The following ABL2 variants were observed in gnomAD, a reference collection of about 807,000 sequenced individuals.
ABL2 encodes ABL proto-oncogene 2, non-receptor tyrosine kinase, also known as tyrosine-protein kinase ABL2.
Under a neutral mutation model 107.7 loss-of-function variants are expected in ABL2, and 49 were observed. The ratio of observed to expected loss-of-function variants is 0.45; its 90% CI spans 0.36 to 0.58. The LOEUF is 0.58. Ranked by LOEUF, ABL2 falls within the 20% of genes least tolerant of loss-of-function variation. The probability of loss-of-function intolerance (pLI) is 0.00; values close to 1 mark genes in which losing one functional copy is unlikely to be tolerated. For missense variants in ABL2, 1,245 were observed against 1,457.0 expected, an observed-to-expected ratio of 0.85 and a Z score of 2.37; for synonymous variants, 549 against 548.6, an observed-to-expected ratio of 1.00 and a Z score of -0.01.
chr1:179,207,635 T>A (rs150047216), intron 1 of ABL2, among the ~76,000 whole-genome samples: 2 of 152,214 alleles, frequency 1.3e-5, no homozygotes, highest in Non-Finnish European at 2.9e-5. Context: ...CTCTATGAGG[T>A]AGGTATTATT....
intron 1 of ABL2, 37 bp downstream of exon 1, chr1:179,229,204 C>CCCCCCCCCCCCCCCG: frequency 6.9e-7 from 1 of 1,448,284 alleles, no homozygotes. Context: ...CCCCCGGCCT[C>CCCCCCCCCCCCCCCG]CCCCACGCTC....
At chr1:179,183,685 T>C (rs917181681) in intron 1 of ABL2, 3 of 152,406 alleles carry the variant, frequency 2.0e-5, no homozygotes, top group African/African-American at 7.2e-5. Flanking sequence ...TTCTCTGCCA[T>C]AACTAGATAC....
chr1:179,161,900 A>C (rs1239375456), intron 1 of ABL2, among the ~76,000 whole-genome samples: 1 of 152,044 alleles, frequency 6.6e-6, no homozygotes, highest in Non-Finnish European at 1.5e-5. Flanking sequence ...TGTCAATATA[A>C]AATAGCTTGA....
intron 1 of ABL2, among the ~76,000 whole-genome samples, chr1:179,227,915 G>T (rs1663311937): frequency 6.6e-6 from 1 of 152,010 alleles, no homozygotes; most frequent in Non-Finnish European, 1.5e-5. Context: ...GCCGGGTGTG[G>T]TGGCGGGCGC....
intron 3 of ABL2, among the ~76,000 whole-genome samples, chr1:179,127,584 A>G (rs888814469): frequency 1.3e-5 from 2 of 152,236 alleles, no homozygotes; most frequent in African/African-American, 4.8e-5. Context: ...AAACAGAAAA[A>G]GTGAAAGAGA....
In ABL2 at chr1:179,201,581, G is replaced by C. The variant is rs533926026; in HGVS notation, c.157+27660C>G. On this transcript the variant is annotated intron_variant, in intron 1 of 11. Transcript: ENST00000502732. Reference sequence around the variant, plus strand: ...AATCTGGCATGCCTAAGGCATTTGGGGAACAGGGCTGGTTATTTCCTCTGC... The same window carrying C: ...AATCTGGCATGCCTAAGGCATTTGGCGAACAGGGCTGGTTATTTCCTCTGC... 2.1e-5 allele frequency: 8 copies of C among 374,038 alleles called. No homozygotes were observed. The East Asian group carries it at 2.7e-4, about 12-fold the overall frequency. The allele number at this position is 374,038 out of a possible 1,614,324, so 23.2% of individuals were successfully genotyped here. A position where few individuals can be genotyped will look rare whatever the true frequency, so the allele number is the denominator to read the frequency against.
At chr1:179,118,305 T>C (rs1426803203) in intron 7 of ABL2, among the ~76,000 whole-genome samples, 3 of 152,212 alleles carry the variant, frequency 2.0e-5, no homozygotes, top group South Asian at 2.1e-4. Context: ...TTGAGGCCAG[T>C]AGTTTGAGAC....
chr1:179,177,976 C>T (rs1287520688), intron 1 of ABL2, among the ~76,000 whole-genome samples: 1 of 152,080 alleles, frequency 6.6e-6, no homozygotes, highest in Non-Finnish European at 1.5e-5. Context: ...ATTTAAGGTG[C>T]TATGTAAATA....
chr1:179,100,117 GTTCCT>G lies in ABL2; in HGVS notation c.*7596_*7600del, dbSNP rs1298073314. The G allele has an allele frequency of 4.3e-6, 1 of 231,498 alleles. No individual in the cohort carries two copies. The highest frequency in any genetic ancestry group is 8.5e-6 in the Non-Finnish European group (1 of 117,040). 14.3% of individuals were successfully genotyped at this position (231,498 alleles called of 1,614,324 possible). A position where few individuals can be genotyped will look rare whatever the true frequency, so the allele number is the denominator to read the frequency against. On this transcript the variant is annotated 3_prime_UTR_variant, in exon 12 of 12. Coordinates refer to ENST00000502732, the MANE Select transcript of ABL2 (RefSeq NM_007314.4). ...AAGAACCATAAACAAGTATCTCATTGTTCCTTTCTAGTTTCTGAATACTGATTGAC... is the reference window on the plus strand; with the variant it reads ...AAGAACCATAAACAAGTATCTCATTGTTCTAGTTTCTGAATACTGATTGAC...
intron 1 of ABL2, among the ~76,000 whole-genome samples, chr1:179,214,677 A>C (rs1236193171): frequency 3.2e-4 from 49 of 151,772 alleles, no homozygotes; most frequent in Non-Finnish European, 1.5e-5. Context: ...ATGGATTCAA[A>C]TTACAAACAT....
rs187253556 is a variant in ABL2 at position 179,226,740 on chromosome 1, G to A, written c.157+2501C>T. ...TTATTATCACCACTTTACAAATGAA[G>A]AGTCCAAGACACAAAAAGTTAAATA... is the stretch of plus-strand genomic sequence containing the variant. On this transcript the variant is annotated intron_variant, in intron 1 of 11. Coordinates refer to ENST00000502732, the MANE Select transcript of ABL2 (RefSeq NM_007314.4). Among the ~76,000 whole-genome samples, 268 of 152,220 alleles carry A rather than the reference G, an allele frequency of 1.8e-3. 1 individual carries two copies. Among genetic ancestry groups the A allele is most frequent in the Non-Finnish European group, 3.4e-3 (230 of 68,026 alleles).
intron 1 of ABL2, among the ~76,000 whole-genome samples, chr1:179,133,950 A>G (rs1475280967): frequency 6.6e-6 from 1 of 152,176 alleles, no homozygotes; most frequent in Non-Finnish European, 1.5e-5. Context: ...AGTAACTGAA[A>G]CTGTATAAAG....
chr1:179,108,783 C>T lies in ABL2; in HGVS notation c.2484G>A (p.Arg828=), dbSNP rs1002350400. 6.2e-7 allele frequency: 1 copy of T among 1,614,070 alleles called. No individual in the cohort carries two copies. Among genetic ancestry groups the T allele is most frequent in the African/African-American group, 1.3e-5 (1 of 74,908 alleles). The change falls in exon 12 of 12, where the codon AGG becomes AGA. Residue 828 remains arginine, a synonymous_variant. Coordinates refer to ENST00000502732, the MANE Select transcript of ABL2 (RefSeq NM_007314.4). The part of the protein sequence containing the change: ...TSSQPEENVD[R]ANDMLPKKSE... ...ATTTTTTTGGAAGCATGTCATTGGC[C>T]CTGTCCACATTCTCTTCTGGCTGAG...
At position 179,120,293 on chromosome 1, in the gene ABL2, A is replaced by T. The variant is rs1432252263; in HGVS notation, c.961-19T>A. The T allele has an allele frequency of 6.5e-7, 1 of 1,541,914 alleles. No homozygotes were observed. Among genetic ancestry groups the T allele is most frequent in the East Asian group, 2.3e-5 (1 of 43,974 alleles). ...TATCTTCCTAGAAAAAGGGAAAGGT[A>T]AGAAAGAAGAAAACGAGAGGGACAA... On this transcript the variant is annotated intron_variant, in intron 5 of 11. Coordinates refer to ENST00000502732, the MANE Select transcript of ABL2 (RefSeq NM_007314.4).
chr1:179,123,964 G>A (rs971814790), intron 4 of ABL2, among the ~76,000 whole-genome samples: 4 of 151,816 alleles, frequency 2.6e-5, no homozygotes, highest in East Asian at 2.0e-4. Context: ...GCTTTTGGTC[G>A]GGCGCAGTGG....
intron 1 of ABL2, among the ~76,000 whole-genome samples, chr1:179,165,414 T>C (rs1396379939): frequency 1.3e-5 from 2 of 151,856 alleles, no homozygotes; most frequent in Non-Finnish European, 2.9e-5. Context: ...CAAAACTCCA[T>C]AATACGTTTT....
In ABL2 at chr1:179,110,866, C is replaced by T. The variant is rs193251928; in HGVS notation, c.1652-411G>A. ...GAGAACTGGTGGATCACAGGGTATA[C>T]GTGTATTCAGGTTTATTAGGCCCTG... On this transcript the variant is annotated intron_variant, in intron 10 of 11. Transcript: ENST00000502732. 151 of 1,613,680 alleles carry T rather than the reference C, an allele frequency of 9.4e-5. No individual in the cohort carries two copies. In the African/African-American group the frequency reaches 1.6e-3, roughly 17 times the overall value.
rs965989685 is a variant in ABL2, at chr1:179,184,572, T to TGAG, written c.157+44666_157+44668dup. 106 of 553,472 alleles carry TGAG rather than the reference T, an allele frequency of 1.9e-4. 1 individual carries two copies. Among genetic ancestry groups the TGAG allele is most frequent in the East Asian group, 1.1e-3 (33 of 30,456 alleles). The allele number at this position is 553,472 out of a possible 1,614,324, so 34.3% of individuals were successfully genotyped here. A position where few individuals can be genotyped will look rare whatever the true frequency, so the allele number is the denominator to read the frequency against. On this transcript the variant is annotated intron_variant, in intron 1 of 11. Transcript: ENST00000502732. ...ATATGGATGAAGAAGGAGGAGAAGA[T>TGAG]GAGGAGGAGGAGGAGGAGGAAGAGG...
chr1:179,167,539 T>C (rs1659462059), intron 1 of ABL2, among the ~76,000 whole-genome samples: 1 of 152,166 alleles, frequency 6.6e-6, no homozygotes, highest in Non-Finnish European at 1.5e-5. Flanking sequence ...ACAACGTATT[T>C]TACATTTCTA....
Sources: gnomAD v4.1 joint callset for allele counts (sites outside exome capture counted in the v4.1 genomes callset) on GRCh38, gnomAD v4.1.1 for gene constraint, MANE v1.5 for transcripts, NCBI Gene and HGNC (gene_info 2026-07-23, HGNC 2026-07-21) for gene names.